Variants in FARS2 observed in about 807,000 individuals in gnomAD.
FARS2 encodes phenylalanyl-tRNA synthetase 2, mitochondrial, also known as phenylalanine--tRNA ligase, mitochondrial.
A neutral mutation model predicts 46.4 loss-of-function variants in FARS2; 40 were observed. The ratio of observed to expected loss-of-function variants is 0.86; its 90% confidence interval spans 0.67 to 1.12. The LOEUF is 1.12. Ranked by LOEUF, FARS2 falls within the 50% of genes most tolerant of loss-of-function variation. The pLI, the probability that FARS2 is intolerant of heterozygous loss-of-function variation, is 0.00. For synonymous variants in FARS2, 234 were observed against 214.9 expected (o/e 1.09, Z -0.78); for missense variants, 513 against 567.9 (o/e 0.90, Z 0.98).
chr6:5,454,646 G>GT (rs1764726188), intron 4 of FARS2, among the ~76,000 whole-genome samples: 1 of 152,062 alleles, frequency 6.6e-6, no homozygotes, highest in African/African-American at 2.4e-5. Context: ...GCCTGGCCTT[G>GT]TTTTTTAAGG....
intron 1 of FARS2, among the ~76,000 whole-genome samples, chr6:5,325,375 G>A (rs1251643692): frequency 6.6e-6 from 1 of 152,258 alleles, no homozygotes; most frequent in Non-Finnish European, 1.5e-5. Flanking sequence ...TAGCGGGCAT[G>A]CTAAGTACTG....
chr6:5,415,319 T>C lies in FARS2; in HGVS notation c.772+10618T>C, dbSNP rs1229852335. ...TATTTTCTTTTCTTTTCTTTTTTTT[T>C]TTTTTTTTTTTTTGAGACAGAGTCT... On this transcript the variant is annotated intron_variant, in intron 3 of 6. Transcript: ENST00000274680. 1.2e-3 allele frequency among the ~76,000 whole-genome samples: 161 copies of C among 135,684 alleles called. 2 individuals carry two copies. Among genetic ancestry groups the C allele is most frequent in the Middle Eastern group, 0.011 (3 of 274 alleles). The allele number at this position is 135,684 out of a possible 152,430, so 89.0% of individuals were successfully genotyped here. A position where few individuals can be genotyped will look rare whatever the true frequency, so the allele number is the denominator to read the frequency against.
intron 1 of FARS2, among the ~76,000 whole-genome samples, chr6:5,271,441 G>A (rs571149943): frequency 1.3e-5 from 2 of 152,112 alleles, no homozygotes; most frequent in South Asian, 4.2e-4. Context: ...GAGATAAAGG[G>A]GAATTATTTT....
At chr6:5,735,361 C>A (rs1760883476) in intron 6 of FARS2, among the ~76,000 whole-genome samples, 1 of 152,216 alleles carries the variant, frequency 6.6e-6, no homozygotes, top group Non-Finnish European at 1.5e-5. Context: ...GTGTGTAGCT[C>A]ACCAGGTCAC....
At position 5,726,655 on chromosome 6, in the gene FARS2, C is replaced by T. The variant is rs533648910; in HGVS notation, c.1218-44636C>T. Among the ~76,000 whole-genome samples, 7 of 152,304 alleles carry T rather than the reference C, an allele frequency of 4.6e-5. No homozygotes were observed. In the South Asian group the frequency reaches 1.5e-3, roughly 32 times the overall value. ...ATGTGCCCAGGATCCCTCTATGCCT[C>T]GGAGACCACAACTGCAGAGCAGCCA... is the stretch of plus-strand genomic sequence containing the variant. On this transcript the variant is annotated intron_variant, in intron 6 of 6. Coordinates refer to ENST00000274680, the MANE Select transcript of FARS2 (RefSeq NM_006567.5).
In FARS2 at chr6:5,336,140, A is replaced by AT. The variant is rs527836272; in HGVS notation, c.-21-32404dup. The stretch of plus-strand genomic sequence containing the variant: ...AGTGGAACCATTAATTCTCAGCTGG[A>AT]TTTTTTCCTATTGTGTTTTATTTTT... On this transcript the variant is annotated intron_variant, in intron 1 of 6. Transcript: ENST00000274680. Among the ~76,000 whole-genome samples, 171 of 151,828 alleles carry AT rather than the reference A, an allele frequency of 1.1e-3. 2 individuals are homozygous for AT. Among genetic ancestry groups the AT allele is most frequent in the Middle Eastern group, 3.4e-3 (1 of 292 alleles).
chr6:5,540,556 T>C (rs1770562870), intron 4 of FARS2, among the ~76,000 whole-genome samples: 1 of 152,242 alleles, frequency 6.6e-6, no homozygotes, highest in Non-Finnish European at 1.5e-5. Flanking sequence ...AGCTTTGTGC[T>C]GTGAGAGTGA....
intron 1 of FARS2, among the ~76,000 whole-genome samples, chr6:5,312,614 A>T (rs1769159313): frequency 1.3e-5 from 2 of 152,200 alleles, no homozygotes; most frequent in African/African-American, 4.8e-5. Context: ...TGTGTTAGAA[A>T]GTGCAGGGCT....
At chr6:5,537,169 T>G (rs1298689254) in intron 4 of FARS2, among the ~76,000 whole-genome samples, 1 of 152,122 alleles carries the variant, frequency 6.6e-6, no homozygotes, top group African/African-American at 2.4e-5. Flanking sequence ...CACCTGGCCA[T>G]TCTCAGCTCT....
intron 1 of FARS2, among the ~76,000 whole-genome samples, chr6:5,302,565 G>A (rs1191130304): frequency 6.6e-6 from 1 of 152,172 alleles, no homozygotes; most frequent in African/African-American, 2.4e-5. Context: ...AATCTTAGGA[G>A]GTGGACACTA....
At chr6:5,740,905 G>A (rs1171998414) in intron 6 of FARS2, among the ~76,000 whole-genome samples, 1 of 152,166 alleles carries the variant, frequency 6.6e-6, no homozygotes, top group Non-Finnish European at 1.5e-5. Context: ...TTCATGGCCT[G>A]TTCTCCTTAC....
chr6:5,405,480 C>CTTTTTTTCTT (rs765851968), intron 3 of FARS2, among the ~76,000 whole-genome samples: 592 of 59,112 alleles, frequency 0.01, 14 homozygotes, highest in Middle Eastern at 0.017. Context: ...GAGCAAGGTT[C>CTTTTTTTCTT]TTTTTTTTTT....
At chr6:5,689,627 T>C (rs1286806444) in intron 6 of FARS2, among the ~76,000 whole-genome samples, 1 of 152,146 alleles carries the variant, frequency 6.6e-6, no homozygotes, top group Non-Finnish European at 1.5e-5. Flanking sequence ...AAGTATGTGG[T>C]CAATTTTGGA....
At chr6:5,771,185 A>AG (rs1459334080) in intron 6 of FARS2, 106 bp from the exon 7 acceptor site, 2 of 1,252,402 alleles carry the variant, frequency 1.6e-6, no homozygotes, top group African/African-American at 3.0e-5. Context: ...TTCCAACCTC[A>AG]GTTCTCCACT....
At chr6:5,698,607 T>C (rs1758240651) in intron 6 of FARS2, among the ~76,000 whole-genome samples, 1 of 152,156 alleles carries the variant, frequency 6.6e-6, no homozygotes, top group Non-Finnish European at 1.5e-5. Flanking sequence ...AGGATCAAGA[T>C]CTTCAAGCAA....
intron 1 of FARS2, among the ~76,000 whole-genome samples, chr6:5,281,027 C>T (rs950907264): frequency 6.6e-6 from 1 of 152,126 alleles, no homozygotes; most frequent in Admixed American, 6.5e-5. Context: ...TGAGGGATGA[C>T]ACTTTGGGGA....
intron 3 of FARS2, among the ~76,000 whole-genome samples, chr6:5,421,947 G>T (rs868689522): frequency 6.6e-6 from 1 of 152,258 alleles, no homozygotes; most frequent in Middle Eastern, 3.4e-3. Context: ...CACATTTTTG[G>T]ATGTCTTTTC....
intron 4 of FARS2, among the ~76,000 whole-genome samples, chr6:5,523,049 A>G (rs1769240606): frequency 6.6e-6 from 1 of 152,218 alleles, no homozygotes; most frequent in Non-Finnish European, 1.5e-5. Context: ...ATTGCATTCA[A>G]TGAGCTGGAC....
At chr6:5,441,397 A>G (rs1232427332) in intron 4 of FARS2, among the ~76,000 whole-genome samples, 1 of 152,100 alleles carries the variant, frequency 6.6e-6, no homozygotes, top group African/African-American at 2.4e-5. Context: ...TCTATAAGCA[A>G]TCACATTCTG....
Sources: allele counts gnomAD v4.1 joint callset (sites outside exome capture counted in the v4.1 genomes callset), GRCh38; gene constraint gnomAD v4.1.1; transcripts MANE v1.5; gene names NCBI Gene and HGNC (gene_info 2026-07-23, HGNC 2026-07-21).